SMYD3: variants seen among roughly 807,000 people sequenced by gnomAD.
SMYD3 encodes SET and MYND domain containing 3, also known as histone-lysine N-methyltransferase SMYD3.
In SMYD3, 36 loss-of-function variants were observed where a neutral mutation model predicts 57.7. The ratio of observed to expected loss-of-function variants is 0.62; its 90% confidence interval spans 0.48 to 0.82. SMYD3 has a LOEUF of 0.82. Among genes scored for constraint, SMYD3 ranks in the 40% least tolerant of loss-of-function variants. The pLI is 0.00. For synonymous variants in SMYD3, 211 were observed against 195.0 expected, an observed-to-expected ratio of 1.08 and a Z score of -0.68; for missense variants, 515 against 538.8, an observed-to-expected ratio of 0.96 and a Z score of 0.44.
chr1:245,908,041 C>T (rs945239457), intron 8 of SMYD3, among the ~76,000 whole-genome samples: 3 of 152,012 alleles, frequency 2.0e-5, no homozygotes, highest in African/African-American at 7.2e-5. Flanking sequence ...GAAGCTGAGG[C>T]CGGAGAATCC....
chr1:246,385,598 T>C (rs1480530097), intron 1 of SMYD3, among the ~76,000 whole-genome samples: 1 of 152,082 alleles, frequency 6.6e-6, no homozygotes, highest in Non-Finnish European at 1.5e-5. Context: ...ATAAAAAGAA[T>C]TATCTGAGTG....
At chr1:245,845,140 G>A (rs991158512) in intron 10 of SMYD3, among the ~76,000 whole-genome samples, 19 of 152,028 alleles carry the variant, frequency 1.2e-4, no homozygotes, top group Admixed American at 7.2e-4. Context: ...TAACTTCTAC[G>A]TATTCTTCTC....
At chr1:245,797,608 G>A (rs1459369738) in intron 10 of SMYD3, among the ~76,000 whole-genome samples, 1 of 151,666 alleles carries the variant, frequency 6.6e-6, no homozygotes, top group East Asian at 1.9e-4. Context: ...ACACCAACAT[G>A]GCACATGTAT....
rs549638367 is a variant in SMYD3, at chr1:246,058,968, G to A, written c.532-129031C>T. 5.3e-5 allele frequency among the ~76,000 whole-genome samples: 8 copies of A among 151,080 alleles called. No individual in the cohort carries two copies. In the South Asian group the frequency reaches 8.4e-4, roughly 16 times the overall value. ...CCGCTCACTGCCAGCTCCGCCTCCC[G>A]GGTTCACACCATTCTCCTGCCTCAG... is the stretch of plus-strand genomic sequence containing the variant. On this transcript the variant is annotated intron_variant, in intron 5 of 11. Coordinates refer to ENST00000490107, the MANE Select transcript of SMYD3 (RefSeq NM_001167740.2).
chr1:246,493,284 G>A (rs754532666), intron 1 of SMYD3, among the ~76,000 whole-genome samples: 3 of 152,044 alleles, frequency 2.0e-5, no homozygotes, highest in Non-Finnish European at 4.4e-5. Flanking sequence ...GGACAACATA[G>A]TGAGACCTTG....
intron 1 of SMYD3, among the ~76,000 whole-genome samples, chr1:246,420,129 G>A (rs555156432): frequency 1.3e-5 from 2 of 152,190 alleles, no homozygotes; most frequent in East Asian, 3.9e-4. Context: ...AACCCAGGAG[G>A]TGGAGGTTGC....
At chr1:246,186,474 T>C (rs1338378063) in intron 5 of SMYD3, among the ~76,000 whole-genome samples, 1 of 150,748 alleles carries the variant, frequency 6.6e-6, no homozygotes, top group Non-Finnish European at 1.5e-5. Context: ...AACATGCTCT[T>C]TTTTTTTTAA....
chr1:246,372,253 AC>A (rs1572432157), intron 1 of SMYD3, among the ~76,000 whole-genome samples: 1 of 152,112 alleles, frequency 6.6e-6, no homozygotes, highest in African/African-American at 2.4e-5. Flanking sequence ...ATGCCTGCTG[AC>A]CCTCCTCTAG....
chr1:245,825,283 C>T (rs1229353794), intron 10 of SMYD3, among the ~76,000 whole-genome samples: 1 of 152,200 alleles, frequency 6.6e-6, no homozygotes, highest in Non-Finnish European at 1.5e-5. Context: ...AAACCCACAA[C>T]GGCTCCCAAC....
intron 1 of SMYD3, among the ~76,000 whole-genome samples, chr1:246,381,513 C>T (rs1347033516): frequency 6.6e-6 from 1 of 152,122 alleles, no homozygotes; most frequent in Non-Finnish European, 1.5e-5. Flanking sequence ...CAAGTCAAAA[C>T]AGAAGACTTG....
intron 10 of SMYD3, among the ~76,000 whole-genome samples, chr1:245,815,973 T>G (rs571807807): frequency 1.3e-5 from 2 of 152,276 alleles, no homozygotes; most frequent in African/African-American, 4.8e-5. Context: ...ACTCACCTTC[T>G]GTAGGTGAGT....
intron 1 of SMYD3, among the ~76,000 whole-genome samples, chr1:246,377,205 A>T (rs144892653): frequency 7.0e-4 from 106 of 152,312 alleles, no homozygotes; most frequent in African/African-American, 2.5e-3. Context: ...TAAGTTAGTG[A>T]GGAAAGTGGT....
At chr1:246,454,418 A>T (rs2067672416) in intron 1 of SMYD3, among the ~76,000 whole-genome samples, 1 of 152,230 alleles carries the variant, frequency 6.6e-6, no homozygotes, top group Non-Finnish European at 1.5e-5. Context: ...ATACATGAAA[A>T]GAAATACATA....
intron 1 of SMYD3, among the ~76,000 whole-genome samples, chr1:246,426,470 G>C (rs980311111): frequency 1.3e-5 from 2 of 152,110 alleles, no homozygotes; most frequent in Non-Finnish European, 2.9e-5. Flanking sequence ...TGTCTATATA[G>C]ATTTGCCTGT....
At position 246,506,365 on chromosome 1, in the gene SMYD3, A is replaced by C. The variant is rs534233605; in HGVS notation, c.164+689T>G. On this transcript the variant is annotated intron_variant, in intron 1 of 11. Transcript: ENST00000490107. ...CTAGAATGGTGGTTAAGAGTTAGACATGCCTGCACAGCCATTAAATGGCAC... is the reference window on the plus strand; with the variant it reads ...CTAGAATGGTGGTTAAGAGTTAGACCTGCCTGCACAGCCATTAAATGGCAC... Among the ~76,000 whole-genome samples, 4 of 152,340 alleles carry C rather than the reference A, an allele frequency of 2.6e-5. No individual in the cohort carries two copies. In the East Asian group the frequency reaches 7.7e-4, roughly 29 times the overall value.
chr1:246,477,881 G>C (rs985582108), intron 1 of SMYD3, among the ~76,000 whole-genome samples: 2 of 121,802 alleles, frequency 1.6e-5, no homozygotes, highest in African/African-American at 6.2e-5. Context: ...CTCTACTGCA[G>C]CACAAAAGCC....
At chr1:246,282,955 A>C (rs986102738) in intron 5 of SMYD3, among the ~76,000 whole-genome samples, 3 of 152,158 alleles carry the variant, frequency 2.0e-5, no homozygotes, top group Non-Finnish European at 4.4e-5. Flanking sequence ...AATACTTTCT[A>C]TATCATCCTA....
At chr1:246,168,843 T>C (rs1017170783) in intron 5 of SMYD3, among the ~76,000 whole-genome samples, 1 of 152,066 alleles carries the variant, frequency 6.6e-6, no homozygotes, top group Non-Finnish European at 1.5e-5. Flanking sequence ...GAAAGGAGTG[T>C]TTAGTAAAAC....
intron 8 of SMYD3, among the ~76,000 whole-genome samples, chr1:245,867,668 G>GCGTGTGCGTGCGCGCA (rs1553345565): frequency 1.3e-5 from 2 of 148,944 alleles, no homozygotes; most frequent in Non-Finnish European, 3.0e-5. Context: ...GCGTGCGCGC[G>GCGTGTGCGTGCGCGCA]CACACACACA....
Sources: gnomAD v4.1 joint callset for allele counts (sites outside exome capture counted in the v4.1 genomes callset) on GRCh38, gnomAD v4.1.1 for gene constraint, MANE v1.5 for transcripts, NCBI Gene and HGNC (gene_info 2026-07-23, HGNC 2026-07-21) for gene names.